Variants in COL1A1 observed in about 807,000 individuals in gnomAD.
COL1A1 encodes collagen type I alpha 1 chain.
A neutral mutation model predicts 195.7 loss-of-function variants in COL1A1; 21 were observed. That is an observed-to-expected ratio of 0.11 (90% CI 0.08 to 0.15). The LOEUF is 0.15. Ranked by LOEUF, COL1A1 falls within the 10% of genes least tolerant of loss-of-function variation. The pLI is 1.00. For missense variants in COL1A1, 1,365 were observed against 2,051.0 expected (o/e 0.67, Z 6.46); for synonymous variants, 749 against 747.3 (o/e 1.00, Z -0.04).
chr17:50,198,636 C>T, intron 5 of COL1A1, 132 bp from the exon 6 acceptor site: 1 of 631,724 alleles, frequency 1.6e-6, no homozygotes, highest in Non-Finnish European at 2.6e-6. Flanking sequence ...GCTTTTAAGA[C>T]ATTCCTGCAA....
intron 5 of COL1A1, chr17:50,198,756 G>A (rs1261645958): frequency 1.8e-6 from 1 of 543,424 alleles, no homozygotes; most frequent in Admixed American, 3.1e-5. Flanking sequence ...AAGAAAGTCT[G>A]AGGAACGTTC....
rs1907925248 is a variant in COL1A1, at chr17:50,199,805, G to C, written c.246C>G (p.Pro82=). ...DVICDETKNC[P]GAEVPEGECC... is the part of the protein sequence containing the mutation. ...ACTCGCCCTCGGGGACTTCGGCGCCGGGGCAGTTCTTGGTCTCGTCACAGA... is the reference window on the plus strand; with the variant it reads ...ACTCGCCCTCGGGGACTTCGGCGCCCGGGCAGTTCTTGGTCTCGTCACAGA... Residue 82 remains proline (P), a synonymous_variant, in exon 2 of 51, where the codon CCC becomes CCG. Coordinates refer to ENST00000225964, the MANE Select transcript of COL1A1 (RefSeq NM_000088.4). 6.2e-7 allele frequency: 1 copy of C among 1,613,958 alleles called. No homozygotes were observed. The highest frequency in any genetic ancestry group is 8.5e-7 in the Non-Finnish European group (1 of 1,179,992).
rs1598285752 is a variant in COL1A1, at chr17:50,186,875, G to A, written c.3579C>T (p.Ser1193=). The A allele has an allele frequency of 3.7e-6, 6 of 1,614,076 alleles. No homozygotes were observed. The highest frequency in any genetic ancestry group is 1.1e-5 in the South Asian group (1 of 91,090). The change falls in exon 48 of 51, where the codon AGC becomes AGT. Residue 1193 remains serine (S), a synonymous_variant. Coordinates refer to ENST00000225964, the MANE Select transcript of COL1A1 (RefSeq NM_000088.4). This position sits in a 1 kb window ranked among gnomAD's most constrained non-coding sequence, Gnocchi z 5.3. ...GCAGGAAGCTGAAGTCGAAACCAGC[G>A]CTGGGAGGACCAGGGGGACCAGGAG... ...PGPPGPPGPP[S]AGFDFSFLPQ...
chr17:50,195,489 G>C lies in COL1A1; in HGVS notation c.1156-11C>G. The stretch of plus-strand genomic sequence containing the variant: ...AGCACCAGGGTTTCCCTGTGGCACA[G>C]AGAAAGGAGTGTCAGCAACAGGCAA... On this transcript the variant is annotated splice_polypyrimidine_tract_variant and intron_variant, in intron 17 of 50. Transcript: ENST00000225964. This position sits in a 1 kb window ranked among gnomAD's most constrained non-coding sequence, Gnocchi z 4.3. 1 of 1,614,144 alleles carries C rather than the reference G, an allele frequency of 6.2e-7. No homozygotes were observed. The highest frequency in any genetic ancestry group is 8.5e-7 in the Non-Finnish European group (1 of 1,180,012).
Position 50,197,744 on chromosome 17 carries a change from C to T in COL1A1, c.684G>A (p.Lys228=). 6.3e-7 allele frequency: 1 copy of T among 1,596,074 alleles called. No homozygotes were observed. The highest frequency in any genetic ancestry group is 8.5e-7 in the Non-Finnish European group (1 of 1,174,256). ...TGGGGATACTTACATCATCTCCATT[C>T]TTTCCAGGGGGACCTGGGGGACCTC... ...GPRGPPGPPG[K]NGDDGEAGKP... is the part of the protein sequence containing the mutation. Residue 228 remains lysine (K), a synonymous_variant, in exon 9 of 51, where the codon AAG becomes AAA. Transcript: ENST00000225964.
At chr17:50,193,725 C>T in intron 25 of COL1A1, 2 of 569,898 alleles carry the variant, frequency 3.5e-6, no homozygotes, top group Non-Finnish European at 6.5e-6. Context: ...TCATGGTCTG[C>T]CCGCCTTGGC....
Position 50,185,892 on chromosome 17 carries a change from G to C in COL1A1, c.4134C>G (p.Asp1378Glu). Residue 1378 changes from aspartate (D) to glutamate (E), a missense_variant, in exon 50 of 51, where the codon GAC (aspartate) becomes GAG (glutamate). Transcript: ENST00000225964. ...YHCKNSVAYM[D>E]QQTGNLKKAL... is the part of the protein sequence containing the mutation. ...CCTTCTTGAGGTTGCCAGTCTGCTG[G>C]TCCATGTAGGCCACGCTGTTCTTGC... is the stretch of plus-strand genomic sequence containing the variant. The C allele has an allele frequency of 6.2e-7, 1 of 1,614,156 alleles. No homozygotes were observed. Among genetic ancestry groups the C allele is most frequent in the Non-Finnish European group, 8.5e-7 (1 of 1,180,028 alleles).
chr17:50,189,517 G>A lies in COL1A1; in HGVS notation c.2689C>T (p.Pro897Ser). Residue 897 changes from proline to serine, a missense_variant, in exon 39 of 51, where the codon CCT becomes TCT. Transcript: ENST00000225964. The surrounding 1 kb of genome is among the most constrained non-coding windows in gnomAD (Gnocchi z 5.5). The part of the protein sequence containing the change: ...GPSGNAGPPG[P>S]PGPAGKEGGK... Reference sequence around the variant, plus strand: ...CCTTCTTTGCCAGCAGGACCAGGAGGGCCAGGGGGTCCAGCATTTCCCTGG... The same window carrying A: ...CCTTCTTTGCCAGCAGGACCAGGAGAGCCAGGGGGTCCAGCATTTCCCTGG... 2 of 1,613,704 alleles carry A rather than the reference G, an allele frequency of 1.2e-6. No homozygotes were observed. Among genetic ancestry groups the A allele is most frequent in the Non-Finnish European group, 1.7e-6 (2 of 1,179,908 alleles).
At position 50,189,525 on chromosome 17, in the gene COL1A1, G is replaced by T. The variant is rs780608934; in HGVS notation, c.2681C>A (p.Pro894His). ...GPPGPSGNAG[P>H]PGPPGPAGKE... ...GCCAGCAGGACCAGGAGGGCCAGGG[G>T]GTCCAGCATTTCCCTGGATGAGGAT... The change falls in exon 39 of 51, where the codon CCC becomes CAC. Residue 894 changes from proline (P) to histidine (H), a missense_variant. This residue lies in a region of COL1A1 where 671 missense variants were observed against 1,099.9 expected (regional missense o/e 0.61). Transcript: ENST00000225964. This position sits in a 1 kb window ranked among gnomAD's most constrained non-coding sequence, Gnocchi z 5.5. The T allele has an allele frequency of 6.8e-6, 11 of 1,613,928 alleles. No homozygotes were observed. Among genetic ancestry groups the T allele is most frequent in the Non-Finnish European group, 8.5e-6 (10 of 1,179,984 alleles).
At position 50,188,527 on chromosome 17, in the gene COL1A1, T is replaced by C. The variant is rs1906755287; in HGVS notation, c.3207+3A>G. Reference sequence around the variant, plus strand: ...TACAGGGAACTGGAGCCCAGCTACTTACAGTCTCACCACGATCACCACTCT... The same window carrying C: ...TACAGGGAACTGGAGCCCAGCTACTCACAGTCTCACCACGATCACCACTCT... On this transcript the variant is annotated splice_donor_region_variant and intron_variant, in intron 43 of 50. Transcript: ENST00000225964. The surrounding 1 kb of genome is among the most constrained non-coding windows in gnomAD (Gnocchi z 5.6). 6.2e-7 allele frequency: 1 copy of C among 1,613,824 alleles called. No homozygotes were observed. The highest frequency in any genetic ancestry group is 1.1e-5 in the South Asian group (1 of 91,076).
Position 50,187,952 on chromosome 17 carries a change from T to C in COL1A1, c.3293A>G (p.Glu1098Gly), listed in dbSNP as rs1017213577. 2.5e-6 allele frequency: 4 copies of C among 1,614,092 alleles called. No homozygotes were observed. In the Admixed American group the frequency reaches 6.7e-5, roughly 27 times the overall value. ...GPQGPRGDKG[E>G]TGEQGDRGIK... ...GCCTCTGTCGCCCTGTTCGCCTGTC[T>C]CACCCTTGTCACCACGGGGGCCTTG... The change falls in exon 45 of 51, where the codon GAG becomes GGG. Residue 1098 changes from glutamate to glycine, a missense_variant. Physicochemically the swap from Glu to Gly is moderately conservative, Grantham distance 98. Coordinates refer to ENST00000225964, the MANE Select transcript of COL1A1 (RefSeq NM_000088.4).
At chr17:50,201,267 G>A in intron 1 of COL1A1, 144 bp downstream of exon 1, 1 of 795,946 alleles carries the variant, frequency 1.3e-6, no homozygotes, top group Non-Finnish European at 2.1e-6. Flanking sequence ...TCCTGTCTCA[G>A]GGCGCCGAGG....
Position 50,197,935 on chromosome 17 carries a change from TAG to T in COL1A1, c.642+12_642+13del, listed in dbSNP as rs1907742375. 1.9e-6 allele frequency: 3 copies of T among 1,613,412 alleles called. No homozygotes were observed. Among genetic ancestry groups the T allele is most frequent in the Admixed American group, 3.3e-5 (2 of 59,978 alleles). ...TTTGTAGAAGGAGTATGAATCTGTA[TAG>T]AGAGTGCTTACTGAAGCTCCAGGCT... On this transcript the variant is annotated intron_variant, in intron 8 of 50. Coordinates refer to ENST00000225964, the MANE Select transcript of COL1A1 (RefSeq NM_000088.4).
chr17:50,200,235 A>C, intron 1 of COL1A1: 1 of 428,570 alleles, frequency 2.3e-6, no homozygotes, highest in Admixed American at 3.5e-5. Context: ...GCTGAAGCCA[A>C]GTGAAATAAA....
Position 50,189,356 on chromosome 17 carries a change from G to C in COL1A1, c.2829+21C>G. ...AGCTCTGCACACCTCCGGAGCTGCA[G>C]AGATCTGAGCTGGCACTTACAGCAG... is the stretch of plus-strand genomic sequence containing the variant. On this transcript the variant is annotated intron_variant, in intron 39 of 50. Coordinates refer to ENST00000225964, the MANE Select transcript of COL1A1 (RefSeq NM_000088.4). The surrounding 1 kb of genome is among the most constrained non-coding windows in gnomAD (Gnocchi z 5.5). The C allele has an allele frequency of 6.2e-7, 1 of 1,613,752 alleles. No individual in the cohort carries two copies. The highest frequency in any genetic ancestry group is 8.5e-7 in the Non-Finnish European group (1 of 1,179,968).
rs1598301748 is a variant in COL1A1, at chr17:50,199,693, G to C, written c.298+60C>G. 1 of 1,504,954 alleles carries C rather than the reference G, an allele frequency of 6.6e-7. No homozygotes were observed. The highest frequency in any genetic ancestry group is 8.9e-7 in the Non-Finnish European group (1 of 1,121,422). The allele number at this position is 1,504,954 out of a possible 1,614,324, so 93.2% of individuals were successfully genotyped here. ...GGCCAGCGAGCGCCGACCACCCCCA[G>C]CCCCAGCCCCAGGCCCCAGGCCCCA... On this transcript the variant is annotated intron_variant, in intron 2 of 50. Transcript: ENST00000225964.
In COL1A1 at chr17:50,201,558, T is replaced by A; in HGVS notation, c.-45A>T. The A allele has an allele frequency of 6.4e-7, 1 of 1,552,662 alleles. No homozygotes were observed. Among genetic ancestry groups the A allele is most frequent in the African/African-American group, 1.4e-5 (1 of 73,824 alleles). On this transcript the variant is annotated 5_prime_UTR_variant, in exon 1 of 51. It removes the in-frame stop codon of an upstream open reading frame in the 5' UTR. Transcript: ENST00000225964. The stretch of plus-strand genomic sequence containing the variant: ...AGACTCTTTGTGGCTGGGGAGGGGG[T>A]TAGCGTCCGCTCATGCGTGGCCTCA...
In COL1A1 at chr17:50,191,278, G is replaced by A. The variant is rs141077341; in HGVS notation, c.2235+105C>T. Reference sequence around the variant, plus strand: ...GAAAGGGGAAGAAGGGAGGATTAGCGAGAAGAGGGACAGATCCCAGAGAGA... The same window carrying A: ...GAAAGGGGAAGAAGGGAGGATTAGCAAGAAGAGGGACAGATCCCAGAGAGA... On this transcript the variant is annotated intron_variant, in intron 32 of 50. Coordinates refer to ENST00000225964, the MANE Select transcript of COL1A1 (RefSeq NM_000088.4). The A allele has an allele frequency of 9.2e-4, 1,015 of 1,107,350 alleles. 2 individuals carry two copies. The highest frequency in any genetic ancestry group is 5.2e-3 in the East Asian group (220 of 42,456). The allele number at this position is 1,107,350 out of a possible 1,614,324, so 68.6% of individuals were successfully genotyped here.
intron 6 of COL1A1, 59 bp from the exon 7 acceptor site, chr17:50,198,264 G>GTAGT (rs1907775545): frequency 1.3e-6 from 2 of 1,596,724 alleles, no homozygotes; most frequent in Admixed American, 3.3e-5. Context: ...GCATGTGGAT[G>GTAGT]TAGTCATTCA....
Sources: allele counts gnomAD v4.1 joint callset, GRCh38; gene constraint gnomAD v4.1.1; regional missense constraint gnomAD v4.1.1; non-coding constraint Gnocchi (gnomAD v3.1); transcripts MANE v1.5; gene names NCBI Gene and HGNC (gene_info 2026-07-23, HGNC 2026-07-21).